Variants in LPA observed in about 807,000 individuals in gnomAD.
LPA encodes lipoprotein(a).
Under a neutral mutation model 197.9 loss-of-function variants are expected in LPA, and 199 were observed. The observed-to-expected ratio is 1.01, with a 90% CI of 0.90 to 1.13. The LOEUF is 1.13. LPA is among the 50% of genes most tolerant of loss of function. The probability of loss-of-function intolerance (pLI) is 0.00; values close to 1 mark genes in which losing one functional copy is unlikely to be tolerated. For missense variants in LPA, 1,853 were observed against 1,785.8 expected (o/e 1.04, Z -0.68); for synonymous variants, 715 against 639.5 (o/e 1.12, Z -1.78).
At position 160,589,687 on chromosome 6, in the gene LPA, G is replaced by A. The variant is rs1778987685; in HGVS notation, c.3813C>T (p.Val1271=). Residue 1271 remains valine, a synonymous_variant, in exon 24 of 39, where the codon GTC becomes GTT. Coordinates refer to ENST00000316300, the MANE Select transcript of LPA (RefSeq NM_005577.4). ...GTCCATCACCATGGTAGCAGTCCTG[G>A]ACTGTGGGGCTTTGCTCCGTTGGTG... ...EQAPTEQSPT[V]QDCYHGDGQS... The A allele has an allele frequency of 1.9e-6, 3 of 1,613,892 alleles. No homozygotes were observed. Among genetic ancestry groups the A allele is most frequent in the South Asian group, 2.2e-5 (2 of 91,082 alleles).
chr6:160,540,599 T>C (rs1777965692), intron 35 of LPA, among the ~76,000 whole-genome samples: 1 of 152,160 alleles, frequency 6.6e-6, no homozygotes, highest in Non-Finnish European at 1.5e-5. Context: ...TCTCTCTCTG[T>C]CTCTTGCTCC....
chr6:160,577,318 C>A (rs375930583), intron 27 of LPA, 23 bp from the exon 28 acceptor site: 2 of 1,610,710 alleles, frequency 1.2e-6, no homozygotes, highest in African/African-American at 2.7e-5. Flanking sequence ...TAAAATAAAT[C>A]ATACTCAGTA....
chr6:160,583,966 G>A (rs1021433919), intron 26 of LPA, among the ~76,000 whole-genome samples: 5 of 152,128 alleles, frequency 3.3e-5, no homozygotes, highest in African/African-American at 1.2e-4. Flanking sequence ...CTTATGGCAA[G>A]AGGCCAGTTT....
chr6:160,552,237 C>A (rs1390748437), intron 30 of LPA, among the ~76,000 whole-genome samples: 1 of 152,068 alleles, frequency 6.6e-6, no homozygotes, highest in Non-Finnish European at 1.5e-5. Flanking sequence ...GATTCCTGTA[C>A]TTTTATAAGT....
chr6:160,574,721 C>T (rs1778624033), intron 28 of LPA, among the ~76,000 whole-genome samples: 1 of 152,216 alleles, frequency 6.6e-6, no homozygotes, highest in East Asian at 1.9e-4. Context: ...CCTCCCTTTT[C>T]CACTTCTGCA....
chr6:160,578,093 C>T (rs1425445839), intron 27 of LPA, among the ~76,000 whole-genome samples: 1 of 152,048 alleles, frequency 6.6e-6, no homozygotes, highest in Non-Finnish European at 1.5e-5. Flanking sequence ...TTAGGTTTCT[C>T]TAGGATATCA....
In LPA at chr6:160,611,550, A is replaced by T; in HGVS notation, c.2603+12T>A. On this transcript the variant is annotated intron_variant, in intron 16 of 38. Coordinates refer to ENST00000316300, the MANE Select transcript of LPA (RefSeq NM_005577.4). ...GCCCTTTATTCTCTTATGGTAAAGA[A>T]CAAAGACATACGCATTTGGGTAGTA... 1 of 1,606,916 alleles carries T rather than the reference A, an allele frequency of 6.2e-7. No individual in the cohort carries two copies. Among genetic ancestry groups the T allele is most frequent in the Non-Finnish European group, 8.5e-7 (1 of 1,179,046 alleles).
intron 22 of LPA, among the ~76,000 whole-genome samples, chr6:160,592,560 T>C (rs897868881): frequency 6.6e-6 from 1 of 152,190 alleles, no homozygotes; most frequent in Non-Finnish European, 1.5e-5. Context: ...TTTCTCCCAG[T>C]TATGGATCAC....
chr6:160,544,642 T>C (rs1778035454), intron 33 of LPA, among the ~76,000 whole-genome samples: 1 of 152,130 alleles, frequency 6.6e-6, no homozygotes, highest in Non-Finnish European at 1.5e-5. Flanking sequence ...CAAGGTCCCT[T>C]CACATGGCAG....
At position 160,585,155 on chromosome 6, in the gene LPA, G is replaced by C; in HGVS notation, c.4180C>G (p.Gln1394Glu). The change falls in exon 26 of 39, where the codon CAG (glutamine) becomes GAG (glutamate). Residue 1394 changes from glutamine (Q) to glutamate (E), a missense_variant. Around this residue, in one of 3 missense-constraint regions of LPA, gnomAD observed 1,737 missense variants for 1,504.4 expected, o/e 1.15. Coordinates refer to ENST00000316300, the MANE Select transcript of LPA (RefSeq NM_005577.4). ...GTGGAGAGTGTGCCTCGATAACTCT[G>C]TCCATCACCTCGGTAGCAGTCCTGG... ...GVQDCYRGDGQSYRGTLSTTI... is the reference protein window; with the variant it reads ...GVQDCYRGDGESYRGTLSTTI... 6.2e-7 allele frequency: 1 copy of C among 1,613,668 alleles called. No homozygotes were observed. The highest frequency in any genetic ancestry group is 1.7e-4 in the Middle Eastern group (1 of 6,056).
At chr6:160,562,590 G>A (rs1778381301) in intron 28 of LPA, among the ~76,000 whole-genome samples, 1 of 152,224 alleles carries the variant, frequency 6.6e-6, no homozygotes, top group Non-Finnish European at 1.5e-5. Context: ...CATAAAATGA[G>A]TTAGGCAGGA....
In LPA at chr6:160,654,063, TA is replaced by T. The variant is rs1562355017; in HGVS notation, c.50-3567del. On this transcript the variant is annotated intron_variant, in intron 1 of 38. Transcript: ENST00000316300. ...TATATAATATATAATATATTATATATATTATATATAATATATATTATATATA... is the reference window on the plus strand; with the variant it reads ...TATATAATATATAATATATTATATATTTATATATAATATATATTATATATA... 3.4e-4 allele frequency among the ~76,000 whole-genome samples: 13 copies of T among 37,958 alleles called. 3 individuals are homozygous for T. The East Asian group carries it at 0.011, about 32-fold the overall frequency. The allele number at this position is 37,958 out of a possible 152,430, so 24.9% of individuals were successfully genotyped here. A position where few individuals can be genotyped will look rare whatever the true frequency, so the allele number is the denominator to read the frequency against.
At chr6:160,554,481 A>G (rs916915062) in intron 30 of LPA, among the ~76,000 whole-genome samples, 1 of 152,280 alleles carries the variant, frequency 6.6e-6, no homozygotes, top group South Asian at 2.1e-4. Flanking sequence ...AAGCTTTACT[A>G]GGGTGTTTCT....
Position 160,579,833 on chromosome 6 carries a change from C to T in LPA, c.4290-1129G>A, listed in dbSNP as rs114814578. Among the ~76,000 whole-genome samples, 862 of 152,270 alleles carry T rather than the reference C, an allele frequency of 5.7e-3. 15 individuals are homozygous for T. Among genetic ancestry groups the T allele is most frequent in the African/African-American group, 0.019 (804 of 41,568 alleles). ...GGCAGTGGTTTTTAACACAACTGGA[C>T]GTATCAAGTGATGTAGCACCTGAAA... is the stretch of plus-strand genomic sequence containing the variant. On this transcript the variant is annotated intron_variant, in intron 26 of 38. Transcript: ENST00000316300.
Position 160,531,921 on chromosome 6 carries a change from G to C in LPA, c.5962-31C>G, listed in dbSNP as rs774739991. 6 of 1,612,724 alleles carry C rather than the reference G, an allele frequency of 3.7e-6. No homozygotes were observed. In the Admixed American group the frequency reaches 5.0e-5, roughly 13 times the overall value. On this transcript the variant is annotated intron_variant, in intron 38 of 38. Coordinates refer to ENST00000316300, the MANE Select transcript of LPA (RefSeq NM_005577.4). ...CAGAGGTAGGGGAAAATTCATGTGAGCTTTAAGCTGCCAACCTTTTAATAT... is the reference window on the plus strand; with the variant it reads ...CAGAGGTAGGGGAAAATTCATGTGACCTTTAAGCTGCCAACCTTTTAATAT...
At chr6:160,544,495 C>G (rs972379015) in intron 33 of LPA, among the ~76,000 whole-genome samples, 1 of 152,168 alleles carries the variant, frequency 6.6e-6, no homozygotes, top group Non-Finnish European at 1.5e-5. Context: ...CCCTCTTGCT[C>G]TCCCCAGGAG....
intron 18 of LPA, among the ~76,000 whole-genome samples, chr6:160,602,489 C>T (rs1779263322): frequency 6.6e-6 from 1 of 152,266 alleles, no homozygotes; most frequent in Non-Finnish European, 1.5e-5. Flanking sequence ...TATCATTTTG[C>T]TTCAAGTAGT....
chr6:160,561,600 A>T (rs1472414390), intron 28 of LPA, among the ~76,000 whole-genome samples: 1 of 152,150 alleles, frequency 6.6e-6, no homozygotes, highest in East Asian at 1.9e-4. Flanking sequence ...TTTTCTAATT[A>T]TGTGAAGAAA....
At chr6:160,648,628 T>C (rs1372770491) in intron 2 of LPA, among the ~76,000 whole-genome samples, 1 of 152,124 alleles carries the variant, frequency 6.6e-6, no homozygotes, top group East Asian at 1.9e-4. Context: ...TGTATGTGTG[T>C]ATCTGGTTCT....
Sources: allele counts gnomAD v4.1 joint callset (sites outside exome capture counted in the v4.1 genomes callset), GRCh38; gene constraint gnomAD v4.1.1; regional missense constraint gnomAD v4.1.1; transcripts MANE v1.5; gene names NCBI Gene and HGNC (gene_info 2026-07-23, HGNC 2026-07-21).